MRTFB: variants seen among roughly 807,000 people sequenced by gnomAD.
MRTFB encodes myocardin related transcription factor B.
MRTFB carries 29 observed loss-of-function variants against 104.2 expected under a neutral mutation model. The ratio of observed to expected loss-of-function variants is 0.28; its 90% CI spans 0.21 to 0.38. The LOEUF is 0.38. Among genes scored for constraint, MRTFB ranks in the 10% least tolerant of loss-of-function variants. MRTFB has a pLI of 1.00. For synonymous variants in MRTFB, 535 were observed against 519.5 expected (o/e 1.03, Z -0.41); for missense variants, 1,270 against 1,341.6 (o/e 0.95, Z 0.83).
At chr16:14,148,368 G>A (rs980768493) in intron 3 of MRTFB, among the ~76,000 whole-genome samples, 1 of 152,142 alleles carries the variant, frequency 6.6e-6, no homozygotes, top group African/African-American at 2.4e-5. Context: ...TTGGACACCT[G>A]TTCTCTACCA....
intron 2 of MRTFB, among the ~76,000 whole-genome samples, chr16:14,126,926 A>G (rs986670376): frequency 3.3e-5 from 5 of 152,248 alleles, no homozygotes; most frequent in Admixed American, 3.3e-4. Context: ...AACCGTAGCT[A>G]AAAATGAAGC....
chr16:14,140,539 G>T lies in MRTFB; in HGVS notation c.-63-5G>T. ...CATCTCTTTACACATTCTTTATTTT[G>T]GCAGTGTCTTCAATAGGCCGTGTTT... On this transcript the variant is annotated splice_polypyrimidine_tract_variant and splice_region_variant and intron_variant, in intron 2 of 16. Coordinates refer to ENST00000571589, the MANE Select transcript of MRTFB (RefSeq NM_001308142.2). 6.4e-7 allele frequency: 1 copy of T among 1,554,608 alleles called. No homozygotes were observed. Among genetic ancestry groups the T allele is most frequent in the South Asian group, 1.2e-5 (1 of 86,736 alleles).
intron 3 of MRTFB, among the ~76,000 whole-genome samples, chr16:14,202,472 G>C (rs1718765911): frequency 6.6e-6 from 1 of 152,186 alleles, no homozygotes; most frequent in South Asian, 2.1e-4. Flanking sequence ...CCCGGGCTCA[G>C]AAGGAGACCC....
chr16:14,234,308 G>A (rs1303700699), intron 9 of MRTFB, 25 bp downstream of exon 9: 3 of 1,609,004 alleles, frequency 1.9e-6, no homozygotes, highest in South Asian at 2.2e-5. Flanking sequence ...TACACCCTGG[G>A]TTTGGTGGCT....
intron 2 of MRTFB, among the ~76,000 whole-genome samples, chr16:14,139,817 TG>T (rs1398878648): frequency 1.3e-5 from 2 of 152,236 alleles, no homozygotes; most frequent in Admixed American, 1.3e-4. Context: ...TTTTATCGAA[TG>T]TTTTGCCACT....
At chr16:14,088,733 C>T (rs893404141) in intron 2 of MRTFB, among the ~76,000 whole-genome samples, 4 of 152,148 alleles carry the variant, frequency 2.6e-5, no homozygotes, top group African/African-American at 4.8e-5. Flanking sequence ...AGACCTTCTG[C>T]GGGATGTTAA....
At chr16:14,217,406 A>T in intron 7 of MRTFB, 119 bp downstream of exon 7, 11 of 800,794 alleles carry the variant, frequency 1.4e-5, no homozygotes, top group South Asian at 2.8e-5. Flanking sequence ...GGTTAATTAG[A>T]AATTAACACA....
At chr16:14,007,976 TCTCTTATCA>T in the MRTFB span, among the ~76,000 whole-genome samples, 1 of 152,232 alleles carries the variant, frequency 6.6e-6, no homozygotes, top group South Asian at 2.1e-4. Flanking sequence ...TAGGCACAAG[TCTCTTATCA>T]GATATACAAT....
intron 3 of MRTFB, among the ~76,000 whole-genome samples, chr16:14,206,244 C>A (rs1191778150): frequency 1.3e-5 from 2 of 152,188 alleles, no homozygotes; most frequent in African/African-American, 2.4e-5. Flanking sequence ...GTCCCTTACC[C>A]CTTCCTCAGT....
At chr16:14,028,666 C>A in the MRTFB span, among the ~76,000 whole-genome samples, 1,171 of 152,290 alleles carry the variant, frequency 7.7e-3, 14 homozygotes, top group African/African-American at 0.027. Context: ...CCTCTTAGGC[C>A]TGGGTTGGAG....
At chr16:14,117,402 G>T (rs1338482694) in intron 2 of MRTFB, among the ~76,000 whole-genome samples, 3 of 152,190 alleles carry the variant, frequency 2.0e-5, no homozygotes, top group African/African-American at 7.2e-5. Context: ...GTCTTGATCA[G>T]GCCTTCCTAA....
chr16:14,065,727 A>G, the MRTFB span, among the ~76,000 whole-genome samples: 1 of 152,150 alleles, frequency 6.6e-6, no homozygotes, highest in Non-Finnish European at 1.5e-5. Context: ...CGTGGGCAAC[A>G]TAGCAAGACC....
intron 16 of MRTFB, among the ~76,000 whole-genome samples, chr16:14,260,613 GAGA>G (rs1184493893): frequency 6.6e-6 from 1 of 152,062 alleles, no homozygotes; most frequent in African/African-American, 2.4e-5. Context: ...TAGTCTTACT[GAGA>G]AGAATTTAAA....
At chr16:14,030,252 C>A in the MRTFB span, among the ~76,000 whole-genome samples, 1 of 152,158 alleles carries the variant, frequency 6.6e-6, no homozygotes, top group Non-Finnish European at 1.5e-5. Context: ...ATGCCCACAG[C>A]GGGTTAGCAA....
chr16:13,995,742 A>G, the MRTFB span, among the ~76,000 whole-genome samples: 1 of 152,092 alleles, frequency 6.6e-6, no homozygotes, highest in African/African-American at 2.4e-5. Context: ...CTGGCTGGAG[A>G]AGGAGGAAGA....
intron 3 of MRTFB, chr16:14,200,632 G>C: frequency 1.9e-6 from 3 of 1,576,160 alleles, no homozygotes; most frequent in Non-Finnish European, 2.6e-6. Context: ...TACGTTGGTG[G>C]AATCACGTTG....
rs569275550 is a variant in MRTFB at position 14,221,545 on chromosome 16, A to C, written c.693+2547A>C. ...TTTTTCCTGCTTTAGAATTACCATC[A>C]TACCACTGCCACAAAGACGAGCTAT... On this transcript the variant is annotated intron_variant, in intron 8 of 16. Transcript: ENST00000571589. Among the ~76,000 whole-genome samples, 96 of 152,326 alleles carry C rather than the reference A, an allele frequency of 6.3e-4. 1 individual carries two copies. Among genetic ancestry groups the C allele is most frequent in the African/African-American group, 2.3e-3 (94 of 41,584 alleles).
intron 10 of MRTFB, among the ~76,000 whole-genome samples, chr16:14,245,238 G>A (rs1327582143): frequency 6.6e-6 from 1 of 152,132 alleles, no homozygotes; most frequent in African/African-American, 2.4e-5. Context: ...GTCTGGTGGT[G>A]TGACTCTTCC....
chr16:14,017,706 TA>T, the MRTFB span, among the ~76,000 whole-genome samples: 88 of 31,438 alleles, frequency 2.8e-3, 17 homozygotes, highest in Non-Finnish European at 5.9e-3. Context: ...TATATATATA[TA>T]TATATTTTTT....
Sources: gnomAD v4.1 joint callset for allele counts (sites outside exome capture counted in the v4.1 genomes callset) on GRCh38, gnomAD v4.1.1 for gene constraint, MANE v1.5 for transcripts, NCBI Gene and HGNC (gene_info 2026-07-23, HGNC 2026-07-21) for gene names.